The following IL15RA variants were observed in gnomAD, a reference collection of about 807,000 sequenced individuals.
The protein encoded by IL15RA is interleukin 15 receptor subunit alpha, also known as interleukin-15 receptor subunit alpha.
A neutral mutation model predicts 24.2 loss-of-function variants in IL15RA; 26 were observed. That is an observed-to-expected ratio of 1.07 (90% confidence interval 0.79 to 1.49). The LOEUF (loss-of-function observed/expected upper bound fraction) is 1.49. IL15RA is among the 40% of genes most tolerant of loss of function. The probability of loss-of-function intolerance (pLI) is 0.00; values close to 1 mark genes in which losing one functional copy is unlikely to be tolerated. For synonymous variants in IL15RA, 166 were observed against 157.6 expected (o/e 1.05, Z -0.40); for missense variants, 354 against 356.4 (o/e 0.99, Z 0.05).
chr10:5,963,287 C>G lies in IL15RA; in HGVS notation c.382+456G>C, dbSNP rs1835903764. Reference sequence around the variant, plus strand: ...CCCGCTGAGTGGACAGGCATCTGTTCAGGCCCAACTGTGCTGCCCCTGCTG... The same window carrying G: ...CCCGCTGAGTGGACAGGCATCTGTTGAGGCCCAACTGTGCTGCCCCTGCTG... On this transcript the variant is annotated intron_variant, in intron 3 of 6. Coordinates refer to ENST00000379977, the MANE Select transcript of IL15RA (RefSeq NM_002189.4). This position sits in a 1 kb window ranked among gnomAD's most constrained non-coding sequence, Gnocchi z 5.3. Among the ~76,000 whole-genome samples the G allele has an allele frequency of 6.6e-6, 1 of 152,204 alleles. No individual in the cohort carries two copies. The highest frequency in any genetic ancestry group is 2.4e-5 in the African/African-American group (1 of 41,454).
At chr10:5,972,083 T>C (rs1252440524) in intron 1 of IL15RA, among the ~76,000 whole-genome samples, 2 of 152,168 alleles carry the variant, frequency 1.3e-5, no homozygotes, top group African/African-American at 4.8e-5. Flanking sequence ...ACCAGAACGA[T>C]TTCAAAAACC....
In IL15RA at chr10:5,964,620, G is replaced by A. The variant is rs1290756301; in HGVS notation, c.284-779C>T. Among the ~76,000 whole-genome samples the A allele has an allele frequency of 4.6e-5, 7 of 152,168 alleles. No individual in the cohort carries two copies. The highest frequency in any genetic ancestry group is 4.4e-5 in the Non-Finnish European group (3 of 68,024). On this transcript the variant is annotated intron_variant, in intron 2 of 6. Transcript: ENST00000379977. This position sits in a 1 kb window ranked among gnomAD's most constrained non-coding sequence, Gnocchi z 5.6. ...TCCAGTCTTTGGACTCTAAAATCCT[G>A]ATTCCGGGTTCTCTTCTTTCCTCTC...
chr10:5,956,325 C>G, intron 6 of IL15RA, 54 bp downstream of exon 6: 1 of 1,465,248 alleles, frequency 6.8e-7, no homozygotes, highest in South Asian at 1.1e-5. Context: ...AGGTGCAGCT[C>G]TTTTCTCATG....
upstream of IL15RA, chr10:5,977,702 G>T: frequency 8.4e-7 from 1 of 1,195,156 alleles, no homozygotes; most frequent in Non-Finnish European, 1.1e-6. Context: ...AGCCCCGCCG[G>T]CCGCCGCGGC....
chr10:5,969,744 G>T (rs1322338459), intron 1 of IL15RA, among the ~76,000 whole-genome samples: 1 of 152,178 alleles, frequency 6.6e-6, no homozygotes, highest in Non-Finnish European at 1.5e-5. Flanking sequence ...TAAATTTAAA[G>T]ATCAGTTTGG....
chr10:5,963,927 C>T lies in IL15RA; in HGVS notation c.284-86G>A. The T allele has an allele frequency of 1.2e-6, 1 of 801,456 alleles. No homozygotes were observed. The highest frequency in any genetic ancestry group is 1.9e-5 in the South Asian group (1 of 53,842). 49.6% of individuals were successfully genotyped at this position (801,456 alleles called of 1,614,324 possible). A position where few individuals can be genotyped will look rare whatever the true frequency, so the allele number is the denominator to read the frequency against. Reference sequence around the variant, plus strand: ...AGAACGGGATACAAATAAAATATATCAACACATGAACTTACAGTGGAGGCC... The same window carrying T: ...AGAACGGGATACAAATAAAATATATTAACACATGAACTTACAGTGGAGGCC... On this transcript the variant is annotated intron_variant, in intron 2 of 6. Coordinates refer to ENST00000379977, the MANE Select transcript of IL15RA (RefSeq NM_002189.4). This position sits in a 1 kb window ranked among gnomAD's most constrained non-coding sequence, Gnocchi z 5.3.
downstream of IL15RA, chr10:5,950,659 G>A (rs1224697928): frequency 1.3e-5 from 2 of 152,198 alleles, no homozygotes; most frequent in Non-Finnish European, 2.9e-5. The surrounding 1 kb of genome is among the most constrained non-coding windows in gnomAD (Gnocchi z 5.6). Flanking sequence ...TCGACGGATA[G>A]AATGCCACAA....
At position 5,955,065 on chromosome 10, in the gene IL15RA, T is replaced by C. The variant is rs1342740446; in HGVS notation, c.692+1314A>G. On this transcript the variant is annotated intron_variant, in intron 6 of 6. Coordinates refer to ENST00000379977, the MANE Select transcript of IL15RA (RefSeq NM_002189.4). The surrounding 1 kb of genome is among the most constrained non-coding windows in gnomAD (Gnocchi z 5.3). The stretch of plus-strand genomic sequence containing the variant: ...CTTTATAGTAGCATTTCATGGAATG[T>C]GCATTTTGTCAAAATTAGGCTCAAA... Among the ~76,000 whole-genome samples the C allele has an allele frequency of 6.6e-6, 1 of 152,134 alleles. No homozygotes were observed. Among genetic ancestry groups the C allele is most frequent in the Non-Finnish European group, 1.5e-5 (1 of 68,032 alleles).
chr10:5,963,335 G>A lies in IL15RA; in HGVS notation c.382+408C>T, dbSNP rs980222775. On this transcript the variant is annotated intron_variant, in intron 3 of 6. Transcript: ENST00000379977. The surrounding 1 kb of genome is among the most constrained non-coding windows in gnomAD (Gnocchi z 5.3). Reference sequence around the variant, plus strand: ...CTGGCTAGGGGACGAGGGAATTGATGTAAACATGCTGAAGCTCCCGCTGCC... The same window carrying A: ...CTGGCTAGGGGACGAGGGAATTGATATAAACATGCTGAAGCTCCCGCTGCC... Among the ~76,000 whole-genome samples the A allele has an allele frequency of 6.6e-6, 1 of 152,194 alleles. No homozygotes were observed. The highest frequency in any genetic ancestry group is 1.5e-5 in the Non-Finnish European group (1 of 68,042).
rs2132539423 is a variant in IL15RA at position 5,966,944 on chromosome 10, C to G, written c.89-605G>C. 2.0e-5 allele frequency among the ~76,000 whole-genome samples: 3 copies of G among 152,170 alleles called. No homozygotes were observed. The South Asian group carries it at 6.2e-4, about 32-fold the overall frequency. On this transcript the variant is annotated intron_variant, in intron 1 of 6. Coordinates refer to ENST00000379977, the MANE Select transcript of IL15RA (RefSeq NM_002189.4). The surrounding 1 kb of genome is among the most constrained non-coding windows in gnomAD (Gnocchi z 6.4). Reference sequence around the variant, plus strand: ...CCACGATCACACCACTGCACTCTAGCCTGGGAGTTGGCCAGGCTGGTCTTG... The same window carrying G: ...CCACGATCACACCACTGCACTCTAGGCTGGGAGTTGGCCAGGCTGGTCTTG...
chr10:5,959,019 G>A lies in IL15RA; in HGVS notation c.616+735C>T, dbSNP rs193089105. ...CCCCTCCCTTCAGCTTTTTCTTTTA[G>A]TCTTGTAAACGCTTTCCCCTTTTCC... On this transcript the variant is annotated intron_variant, in intron 5 of 6. Coordinates refer to ENST00000379977, the MANE Select transcript of IL15RA (RefSeq NM_002189.4). This position sits in a 1 kb window ranked among gnomAD's most constrained non-coding sequence, Gnocchi z 4.1. Among the ~76,000 whole-genome samples, 32 of 151,704 alleles carry A rather than the reference G, an allele frequency of 2.1e-4. No individual in the cohort carries two copies. The East Asian group carries it at 4.8e-3, about 23-fold the overall frequency.
Position 5,964,747 on chromosome 10 carries a change from C to T in IL15RA, c.284-906G>A, listed in dbSNP as rs1386186044. 6.6e-6 allele frequency among the ~76,000 whole-genome samples: 1 copy of T among 152,192 alleles called. No homozygotes were observed. The highest frequency in any genetic ancestry group is 1.5e-5 in the Non-Finnish European group (1 of 68,038). The stretch of plus-strand genomic sequence containing the variant: ...CCTGACTTGCCCTGCAGTGAGAAAG[C>T]CCTCATTTTACCTCGGGCAGACAGG... On this transcript the variant is annotated intron_variant, in intron 2 of 6. Transcript: ENST00000379977. This position sits in a 1 kb window ranked among gnomAD's most constrained non-coding sequence, Gnocchi z 5.6.
At position 5,953,136 on chromosome 10, in the gene IL15RA, T is replaced by C. The variant is rs979527733; in HGVS notation, c.763A>G (p.Ser255Gly). The change falls in exon 7 of 7, where the codon AGC becomes GGC. Residue 255 changes from serine to glycine, a missense_variant. Coordinates refer to ENST00000379977, the MANE Select transcript of IL15RA (RefSeq NM_002189.4). The surrounding 1 kb of genome is among the most constrained non-coding windows in gnomAD (Gnocchi z 5.3). ...EALPVTWGTS[S>G]RDEDLENCSH... ...CAGTTTTCCAAGTCTTCATCTCTGC[T>C]GCTGGTCCCCCAAGTCACCGGCAGA... 1 of 1,614,134 alleles carries C rather than the reference T, an allele frequency of 6.2e-7. No homozygotes were observed. Among genetic ancestry groups the C allele is most frequent in the Admixed American group, 1.7e-5 (1 of 60,010 alleles).
chr10:5,975,823 G>A lies in IL15RA; in HGVS notation c.88+1582C>T, dbSNP rs534841434. 6.6e-6 allele frequency among the ~76,000 whole-genome samples: 1 copy of A among 152,310 alleles called. No individual in the cohort carries two copies. The highest frequency in any genetic ancestry group is 1.5e-5 in the Non-Finnish European group (1 of 68,018). ...CAGCAGAATCGCTTGAACCCAGGAG[G>A]CGGAGGTTGCAGTGAGCTGAGATCG... On this transcript the variant is annotated intron_variant, in intron 1 of 6. Coordinates refer to ENST00000379977, the MANE Select transcript of IL15RA (RefSeq NM_002189.4). This position sits in a 1 kb window ranked among gnomAD's most constrained non-coding sequence, Gnocchi z 4.8.
Position 5,959,270 on chromosome 10 carries a change from G to C in IL15RA, c.616+484C>G, listed in dbSNP as rs1025682340. ...TCCTCCCATTTCGGCCTCCCAAACTGCTGGGATTACAGGTGTGAGCCACCA... is the reference window on the plus strand; with the variant it reads ...TCCTCCCATTTCGGCCTCCCAAACTCCTGGGATTACAGGTGTGAGCCACCA... On this transcript the variant is annotated intron_variant, in intron 5 of 6. Transcript: ENST00000379977. This position sits in a 1 kb window ranked among gnomAD's most constrained non-coding sequence, Gnocchi z 4.1. Among the ~76,000 whole-genome samples, 2 of 150,862 alleles carry C rather than the reference G, an allele frequency of 1.3e-5. No homozygotes were observed. Among genetic ancestry groups the C allele is most frequent in the Non-Finnish European group, 2.9e-5 (2 of 67,868 alleles).
At position 5,968,333 on chromosome 10, in the gene IL15RA, G is replaced by C. The variant is rs8177678; in HGVS notation, c.89-1994C>G. 0.011 allele frequency among the ~76,000 whole-genome samples: 1,633 copies of C among 152,110 alleles called. 28 individuals carry two copies. The highest frequency in any genetic ancestry group is 0.038 in the African/African-American group (1,557 of 41,484). On this transcript the variant is annotated intron_variant, in intron 1 of 6. Transcript: ENST00000379977. This position sits in a 1 kb window ranked among gnomAD's most constrained non-coding sequence, Gnocchi z 5.4. ...CTTGCTTCTGAAGGATCCTGTACCAGGCAGGCTGGGGGCAGGGTGGGAGGG... is the reference window on the plus strand; with the variant it reads ...CTTGCTTCTGAAGGATCCTGTACCACGCAGGCTGGGGGCAGGGTGGGAGGG...
intron 1 of IL15RA, 188 bp downstream of exon 1, chr10:5,977,217 G>A (rs2274035): frequency 0.11 from 41,112 of 360,212 alleles, 3,892 homozygotes; most frequent in East Asian, 0.38. Context: ...TGCGACCCCG[G>A]CTCCCGGCAC....
rs1292827494 is a variant in IL15RA at position 5,968,789 on chromosome 10, G to A, written c.89-2450C>T. The A allele has an allele frequency of 2.8e-6, 2 of 709,212 alleles. No individual in the cohort carries two copies. The highest frequency in any genetic ancestry group is 1.5e-5 in the South Asian group (1 of 67,716). The allele number at this position is 709,212 out of a possible 1,614,324, so 43.9% of individuals were successfully genotyped here. On this transcript the variant is annotated intron_variant, in intron 1 of 6. Transcript: ENST00000379977. This position sits in a 1 kb window ranked among gnomAD's most constrained non-coding sequence, Gnocchi z 5.4. Reference sequence around the variant, plus strand: ...TGGCTGTGCTACCTGCTTGCTGCCTGCTTGTCCGATGGTGGTGGCACTGGG... The same window carrying A: ...TGGCTGTGCTACCTGCTTGCTGCCTACTTGTCCGATGGTGGTGGCACTGGG...
At position 5,953,285 on chromosome 10, in the gene IL15RA, G is replaced by T; in HGVS notation, c.693-79C>A. On this transcript the variant is annotated intron_variant, in intron 6 of 6. Coordinates refer to ENST00000379977, the MANE Select transcript of IL15RA (RefSeq NM_002189.4). The surrounding 1 kb of genome is among the most constrained non-coding windows in gnomAD (Gnocchi z 5.3). ...TCAACAGACGCTTCCCACTGAGCAT[G>T]TATGTCCAGCACTGCGGGGATGGCA... The T allele has an allele frequency of 9.7e-7, 1 of 1,028,234 alleles. No homozygotes were observed. Among genetic ancestry groups the T allele is most frequent in the South Asian group, 1.3e-5 (1 of 77,970 alleles). The allele number at this position is 1,028,234 out of a possible 1,614,324, so 63.7% of individuals were successfully genotyped here. A position where few individuals can be genotyped will look rare whatever the true frequency, so the allele number is the denominator to read the frequency against.
Sources: gnomAD v4.1 joint callset for allele counts (sites outside exome capture counted in the v4.1 genomes callset) on GRCh38, gnomAD v4.1.1 for gene constraint, Gnocchi (gnomAD v3.1) non-coding constraint, MANE v1.5 for transcripts, NCBI Gene and HGNC (gene_info 2026-07-23, HGNC 2026-07-21) for gene names.